Variants in NUMB observed in about 807,000 individuals in gnomAD.
NUMB encodes NUMB endocytic adaptor protein.
NUMB carries 29 observed loss-of-function variants against 59.7 expected under a neutral mutation model. The ratio of observed to expected loss-of-function variants is 0.49; its 90% CI spans 0.36 to 0.66. The LOEUF is 0.66. Among genes scored for constraint, NUMB ranks in the 30% least tolerant of loss-of-function variants. The probability of loss-of-function intolerance (pLI) is 0.00; values close to 1 mark genes in which losing one functional copy is unlikely to be tolerated. For missense variants in NUMB, 723 were observed against 822.0 expected, an observed-to-expected ratio of 0.88 and a Z score of 1.47; for synonymous variants, 288 against 288.2, an observed-to-expected ratio of 1.00 and a Z score of 0.01.
chr14:73,306,585 G>C (rs1188961114), intron 6 of NUMB, among the ~76,000 whole-genome samples: 1 of 152,146 alleles, frequency 6.6e-6, no homozygotes, highest in East Asian at 1.9e-4. Flanking sequence ...GTCCCTGATA[G>C]TGCTGTTCCT....
At chr14:73,388,679 G>C (rs1308857593) in intron 2 of NUMB, among the ~76,000 whole-genome samples, 1 of 152,122 alleles carries the variant, frequency 6.6e-6, no homozygotes, top group Non-Finnish European at 1.5e-5. Flanking sequence ...ATAAAACCTT[G>C]AGGCTGAGTG....
At chr14:73,401,163 G>A (rs1896393932) in intron 2 of NUMB, among the ~76,000 whole-genome samples, 1 of 152,122 alleles carries the variant, frequency 6.6e-6, no homozygotes, top group African/African-American at 2.4e-5. Flanking sequence ...GAATTGACTG[G>A]GTTGCTGGTA....
rs537172491 is a variant in NUMB, at chr14:73,335,484, C to T, written c.127-12280G>A. ...CCTTTTCTTCTCTGAGACACTATCT[C>T]GCTGAAGAATTGCAGCTGATTTATG... On this transcript the variant is annotated intron_variant, in intron 4 of 12. Coordinates refer to ENST00000555238, the MANE Select transcript of NUMB (RefSeq NM_001005743.2). Among the ~76,000 whole-genome samples, 97 of 152,196 alleles carry T rather than the reference C, an allele frequency of 6.4e-4. 1 individual carries two copies. The South Asian group carries it at 7.5e-3, about 12-fold the overall frequency.
chr14:73,296,965 C>T (rs546078126), intron 7 of NUMB, among the ~76,000 whole-genome samples: 3 of 152,274 alleles, frequency 2.0e-5, no homozygotes, highest in Admixed American at 6.5e-5. Flanking sequence ...GTCAGGAGTT[C>T]GAGACCAGCC....
intron 9 of NUMB, chr14:73,286,590 T>C: frequency 1.7e-5 from 1 of 59,534 alleles, no homozygotes; most frequent in Non-Finnish European, 2.8e-5. Context: ...TTAACAGGGC[T>C]ATAGAAAAAA....
intron 2 of NUMB, among the ~76,000 whole-genome samples, chr14:73,401,840 A>G (rs1021898324): frequency 1.5e-4 from 23 of 151,920 alleles, no homozygotes; most frequent in Admixed American, 1.0e-3. Context: ...GAGTGCTGGG[A>G]TTACAGGCGT....
At position 73,444,976 on chromosome 14, in the gene NUMB, C is replaced by T. The variant is rs566619746; in HGVS notation, c.-233+13517G>A. 5.9e-5 allele frequency among the ~76,000 whole-genome samples: 9 copies of T among 152,078 alleles called. No individual in the cohort carries two copies. The South Asian group carries it at 1.9e-3, about 32-fold the overall frequency. ...CTTGCAGGGAACAAATTGAGAACCA[C>T]TGATAAAGATACCCAATGCCAAGGA... On this transcript the variant is annotated intron_variant, in intron 1 of 12. Transcript: ENST00000555238.
chr14:73,290,798 G>A (rs1054011731), intron 8 of NUMB, among the ~76,000 whole-genome samples: 8 of 152,074 alleles, frequency 5.3e-5, no homozygotes, highest in African/African-American at 1.9e-4. Context: ...TCCCAAATCC[G>A]AAAAGCCAAA....
At chr14:73,436,073 A>G (rs1898042319) in intron 1 of NUMB, among the ~76,000 whole-genome samples, 1 of 152,146 alleles carries the variant, frequency 6.6e-6, no homozygotes, top group South Asian at 2.1e-4. Flanking sequence ...TAGTATATTC[A>G]TAAAATGACA....
chr14:73,452,210 A>C (rs1276341809), intron 1 of NUMB, among the ~76,000 whole-genome samples: 1 of 152,194 alleles, frequency 6.6e-6, no homozygotes, highest in Admixed American at 6.5e-5. Context: ...AAATGCAAAA[A>C]TTAGCGGGGT....
intron 4 of NUMB, among the ~76,000 whole-genome samples, chr14:73,341,589 T>C (rs1892631959): frequency 6.6e-6 from 1 of 152,184 alleles, no homozygotes; most frequent in Non-Finnish European, 1.5e-5. Context: ...AGGTCTGCTA[T>C]GTTGCCGAGG....
chr14:73,277,015 G>A lies in NUMB; in HGVS notation c.1519C>T (p.Pro507Ser), dbSNP rs1438310042. 1 of 1,614,140 alleles carries A rather than the reference G, an allele frequency of 6.2e-7. No homozygotes were observed. Among genetic ancestry groups the A allele is most frequent in the Admixed American group, 1.7e-5 (1 of 60,032 alleles). Residue 507 changes from proline (P) to serine (S), a missense_variant, in exon 13 of 13, where the codon CCT becomes TCT. Transcript: ENST00000555238. ...TTGGCCACAGGATAGGACTGGGCAG[G>A]GACAAAGGCTGGTTGCAGGGCTGGG... ...VVPALQPAFV[P>S]AQSYPVANGM...
chr14:73,306,477 C>T (rs949552461), intron 6 of NUMB, among the ~76,000 whole-genome samples: 10 of 152,218 alleles, frequency 6.6e-5, no homozygotes, highest in Non-Finnish European at 1.3e-4. Flanking sequence ...CATCCATGAA[C>T]GAAATCTGGG....
chr14:73,408,606 G>A (rs987024836), intron 2 of NUMB, among the ~76,000 whole-genome samples: 5 of 151,960 alleles, frequency 3.3e-5, no homozygotes, highest in African/African-American at 9.7e-5. Context: ...GGCTGGACGC[G>A]GTGGCTCACA....
At position 73,284,441 on chromosome 14, in the gene NUMB, C is replaced by T. The variant is rs1888843234; in HGVS notation, c.656-67G>A. ...AAATAATTTGCGTTTAGAGAGCTGACAAATTCGAAAGCCCTCTAGGTCCTT... is the reference window on the plus strand; with the variant it reads ...AAATAATTTGCGTTTAGAGAGCTGATAAATTCGAAAGCCCTCTAGGTCCTT... On this transcript the variant is annotated intron_variant, in intron 9 of 12. Coordinates refer to ENST00000555238, the MANE Select transcript of NUMB (RefSeq NM_001005743.2). 3 of 1,409,900 alleles carry T rather than the reference C, an allele frequency of 2.1e-6. No homozygotes were observed. The East Asian group carries it at 6.9e-5, about 32-fold the overall frequency. 87.3% of individuals were successfully genotyped at this position (1,409,900 alleles called of 1,614,324 possible). A position where few individuals can be genotyped will look rare whatever the true frequency, so the allele number is the denominator to read the frequency against.
chr14:73,438,711 CA>C (rs1377561378), intron 1 of NUMB, among the ~76,000 whole-genome samples: 1 of 147,632 alleles, frequency 6.8e-6, no homozygotes, highest in African/African-American at 2.5e-5. Context: ...GTTTAAAAAG[CA>C]GCCTCCAAAA....
rs1236571176 is a variant in NUMB, at chr14:73,299,623, A to ATATGATATGACATATATATGTCATATC, written c.235-2339_235-2338insGATATGACATATATATGTCATATCATA. Among the ~76,000 whole-genome samples, 8 of 151,260 alleles carry ATATGATATGACATATATATGTCATATC rather than the reference A, an allele frequency of 5.3e-5. No individual in the cohort carries two copies. The East Asian group carries it at 7.8e-4, about 15-fold the overall frequency. ...ATGATATGACATATATATGTCATAT[A>ATATGATATGACATATATATGTCATATC]ATATGACATATCTCCTAGCGGTTCT... On this transcript the variant is annotated intron_variant, in intron 6 of 12. Transcript: ENST00000555238.
chr14:73,380,742 T>TG (rs397806232), intron 2 of NUMB, among the ~76,000 whole-genome samples: 3 of 151,162 alleles, frequency 2.0e-5, no homozygotes, highest in Non-Finnish European at 4.4e-5. Flanking sequence ...TTTTTTTTTT[T>TG]GAGACAGAGT....
intron 4 of NUMB, among the ~76,000 whole-genome samples, chr14:73,334,146 G>GGT (rs1327723062): frequency 6.6e-6 from 1 of 152,026 alleles, no homozygotes; most frequent in Non-Finnish European, 1.5e-5. Flanking sequence ...CCACCTCCCA[G>GGT]GTTCAGGCGA....
Sources: gnomAD v4.1 joint callset for allele counts (sites outside exome capture counted in the v4.1 genomes callset) on GRCh38, gnomAD v4.1.1 for gene constraint, MANE v1.5 for transcripts, NCBI Gene and HGNC (gene_info 2026-07-23, HGNC 2026-07-21) for gene names.